PTPRT: variants seen among roughly 807,000 people sequenced by gnomAD.
PTPRT encodes receptor-type tyrosine-protein phosphatase T.
In PTPRT, 56 loss-of-function variants were observed where a neutral mutation model predicts 176.8. That is an observed-to-expected ratio of 0.32 (90% confidence interval 0.26 to 0.40). The LOEUF (loss-of-function observed/expected upper bound fraction) is 0.40. PTPRT is among the 10% of genes least tolerant of loss of function. The probability of loss-of-function intolerance (pLI) is 1.00; values close to 1 mark genes in which losing one functional copy is unlikely to be tolerated. For missense variants in PTPRT, 1,540 were observed against 1,908.2 expected, an observed-to-expected ratio of 0.81 and a Z score of 3.60; for synonymous variants, 783 against 739.0, an observed-to-expected ratio of 1.06 and a Z score of -0.96.
At chr20:43,120,872 T>G (rs1177697692) in intron 1 of PTPRT, among the ~76,000 whole-genome samples, 3 of 152,240 alleles carry the variant, frequency 2.0e-5, no homozygotes, top group African/African-American at 7.2e-5. Context: ...TATGTAAATA[T>G]ACATACAGAA....
intron 7 of PTPRT, among the ~76,000 whole-genome samples, chr20:42,648,820 G>GTTTTTTTTTTTTT (rs68036487): frequency 8.9e-6 from 1 of 111,838 alleles, no homozygotes; most frequent in African/African-American, 3.7e-5. Context: ...TGGTGTCGTT[G>GTTTTTTTTTTTTT]TTTTTTTTTT....
intron 6 of PTPRT, among the ~76,000 whole-genome samples, chr20:42,684,031 C>T (rs979745577): frequency 6.6e-6 from 1 of 152,168 alleles, no homozygotes; most frequent in African/African-American, 2.4e-5. Context: ...GATATAGCAT[C>T]AAATCCTCCA....
intron 1 of PTPRT, among the ~76,000 whole-genome samples, chr20:43,004,147 C>T (rs1422363684): frequency 7.0e-6 from 1 of 142,384 alleles, no homozygotes; most frequent in Admixed American, 7.0e-5. Flanking sequence ...TTGCAAAAAA[C>T]GTTTTAAATC....
At chr20:42,529,392 A>T (rs1265511108) in intron 7 of PTPRT, among the ~76,000 whole-genome samples, 1 of 152,214 alleles carries the variant, frequency 6.6e-6, no homozygotes, top group Non-Finnish European at 1.5e-5. Context: ...GGATCATCAG[A>T]TATGGATGGA....
intron 1 of PTPRT, among the ~76,000 whole-genome samples, chr20:43,186,554 C>G (rs2146492614): frequency 6.6e-6 from 1 of 152,334 alleles, no homozygotes; most frequent in Non-Finnish European, 1.5e-5. Flanking sequence ...TATACGACTA[C>G]ATGGAATACC....
chr20:42,897,833 T>A (rs1388619644), intron 1 of PTPRT, among the ~76,000 whole-genome samples: 1 of 152,204 alleles, frequency 6.6e-6, no homozygotes, highest in African/African-American at 2.4e-5. Context: ...AAGGCTGTTA[T>A]GAGGATTGGG....
chr20:42,950,246 G>A (rs1981156080), intron 1 of PTPRT, among the ~76,000 whole-genome samples: 1 of 152,190 alleles, frequency 6.6e-6, no homozygotes, highest in Non-Finnish European at 1.5e-5. Context: ...GAGCTGATCT[G>A]TCTATAAAAT....
intron 7 of PTPRT, among the ~76,000 whole-genome samples, chr20:42,474,871 C>G (rs1193079796): frequency 4.6e-5 from 7 of 152,102 alleles, no homozygotes; most frequent in Non-Finnish European, 1.0e-4. Flanking sequence ...CTCAGGGCCT[C>G]TTCGACACTC....
At chr20:42,051,657 G>A in the PTPRT span, among the ~76,000 whole-genome samples, 3 of 152,140 alleles carry the variant, frequency 2.0e-5, no homozygotes, top group Non-Finnish European at 4.4e-5. Flanking sequence ...GGGAACAAGG[G>A]GGAGAGAGGC....
chr20:42,430,919 C>T (rs1257583906), intron 9 of PTPRT, among the ~76,000 whole-genome samples: 1 of 152,148 alleles, frequency 6.6e-6, no homozygotes, highest in Non-Finnish European at 1.5e-5. Flanking sequence ...ATACTTAAAA[C>T]ACACACTCAC....
chr20:43,003,506 G>A (rs1984698638), intron 1 of PTPRT, among the ~76,000 whole-genome samples: 4 of 152,144 alleles, frequency 2.6e-5, no homozygotes, highest in Admixed American at 2.6e-4. Context: ...CCAGCCTCTT[G>A]TGCTATTTTA....
intron 11 of PTPRT, among the ~76,000 whole-genome samples, chr20:42,334,581 G>C (rs1600850086): frequency 6.6e-6 from 1 of 152,334 alleles, no homozygotes; most frequent in East Asian, 1.9e-4. Context: ...AGCTGTGGTT[G>C]AACTGGTAGG....
intron 1 of PTPRT, among the ~76,000 whole-genome samples, chr20:43,165,272 C>T (rs1349674072): frequency 6.6e-6 from 1 of 151,944 alleles, no homozygotes; most frequent in Non-Finnish European, 1.5e-5. Context: ...GATTCTCCTG[C>T]CTCAGCCTCC....
At chr20:42,194,099 C>T (rs915583642) in intron 16 of PTPRT, among the ~76,000 whole-genome samples, 3 of 152,268 alleles carry the variant, frequency 2.0e-5, no homozygotes, top group African/African-American at 7.2e-5. Flanking sequence ...GGAACTATTG[C>T]TGCAGTGGAG....
chr20:42,243,716 T>C (rs2056399466), intron 14 of PTPRT, among the ~76,000 whole-genome samples: 1 of 152,118 alleles, frequency 6.6e-6, no homozygotes, highest in African/African-American at 2.4e-5. Context: ...ACTGACAGAG[T>C]AGAAGGTAGC....
At chr20:43,027,293 T>C (rs545387167) in intron 1 of PTPRT, among the ~76,000 whole-genome samples, 1 of 152,090 alleles carries the variant, frequency 6.6e-6, no homozygotes, top group Non-Finnish European at 1.5e-5. Context: ...CTGGCCAACA[T>C]GGTGAAACCC....
intron 5 of PTPRT, among the ~76,000 whole-genome samples, chr20:42,770,957 C>A (rs1456036782): frequency 4.6e-5 from 7 of 152,214 alleles, no homozygotes; most frequent in Non-Finnish European, 2.9e-5. Context: ...AGGGCACCAT[C>A]AGAGGAACAG....
intron 1 of PTPRT, among the ~76,000 whole-genome samples, chr20:42,988,092 G>C (rs1286967839): frequency 6.6e-6 from 1 of 152,178 alleles, no homozygotes; most frequent in Admixed American, 6.5e-5. Context: ...GGAACAACAT[G>C]GGAGGGATTC....
chr20:42,871,486 T>C (rs948487554), intron 2 of PTPRT, among the ~76,000 whole-genome samples: 6 of 152,190 alleles, frequency 3.9e-5, no homozygotes, highest in Admixed American at 1.3e-4. Context: ...AAGTTAGATA[T>C]AGTCTCATTT....
Sources: gnomAD v4.1 joint callset for allele counts (sites outside exome capture counted in the v4.1 genomes callset) on GRCh38, gnomAD v4.1.1 for gene constraint, MANE v1.5 for transcripts, NCBI Gene and HGNC (gene_info 2026-07-23, HGNC 2026-07-21) for gene names.